Variants in RCAN3 observed in about 807,000 individuals in gnomAD.
The protein encoded by RCAN3 is regulator of calcineurin 3.
In RCAN3, 19 loss-of-function variants were observed where a neutral mutation model predicts 21.9. The observed-to-expected ratio is 0.87, with a 90% confidence interval of 0.61 to 1.27. The LOEUF (loss-of-function observed/expected upper bound fraction) is 1.27, where lower values mean the gene tolerates loss of function less well. Ranked by LOEUF, RCAN3 falls within the 50% of genes most tolerant of loss-of-function variation. The probability of loss-of-function intolerance (pLI) is 0.00; values close to 1 mark genes in which losing one functional copy is unlikely to be tolerated. For synonymous variants in RCAN3, 114 were observed against 112.3 expected, an observed-to-expected ratio of 1.01 and a Z score of -0.09; for missense variants, 240 against 300.1, an observed-to-expected ratio of 0.80 and a Z score of 1.48.
At chr1:24,524,828 G>GTTTTTTTT (rs5773091) in intron 2 of RCAN3, among the ~76,000 whole-genome samples, 3 of 127,232 alleles carry the variant, frequency 2.4e-5, no homozygotes, top group Non-Finnish European at 4.9e-5. Flanking sequence ...GTTTTCTTTT[G>GTTTTTTTT]TTTTTTTTTT....
intron 2 of RCAN3, among the ~76,000 whole-genome samples, chr1:24,515,134 G>A (rs917441043): frequency 1.3e-5 from 2 of 152,176 alleles, no homozygotes; most frequent in Non-Finnish European, 2.9e-5. Flanking sequence ...TCTGAGTCAA[G>A]TCTTATTCAA....
At chr1:24,528,047 C>T (rs1338840012) in intron 2 of RCAN3, among the ~76,000 whole-genome samples, 1 of 151,884 alleles carries the variant, frequency 6.6e-6, no homozygotes, top group Non-Finnish European at 1.5e-5. Context: ...ATGCTTTTCA[C>T]CCCAAAATGC....
At chr1:24,522,952 T>C (rs1648936015) in intron 2 of RCAN3, among the ~76,000 whole-genome samples, 1 of 152,160 alleles carries the variant, frequency 6.6e-6, no homozygotes, top group African/African-American at 2.4e-5. Flanking sequence ...TTCCACGAAA[T>C]CTGTAAACTT....
At chr1:24,531,741 AT>A in intron 3 of RCAN3, among the ~76,000 whole-genome samples, 1 of 152,272 alleles carries the variant, frequency 6.6e-6, no homozygotes, top group East Asian at 1.9e-4. Context: ...GAAATAAGAC[AT>A]GAAATCCTTG....
In RCAN3 at chr1:24,514,509, C is replaced by G. The variant is rs767692924; in HGVS notation, c.137C>G (p.Pro46Arg). Residue 46 changes from proline to arginine, a missense_variant, in exon 2 of 5, where the codon CCT becomes CGT. Pro to Arg is a moderately radical substitution (Grantham distance 103). Coordinates refer to ENST00000374395, the MANE Select transcript of RCAN3 (RefSeq NM_013441.4). ...LDEMMDLSDL[P>R]TSLFACSVHE... Reference sequence around the variant, plus strand: ...GAGATGATGGATTTAAGTGATCTGCCTACCTCACTTTTTGCTTGCAGCGTC... The same window carrying G: ...GAGATGATGGATTTAAGTGATCTGCGTACCTCACTTTTTGCTTGCAGCGTC... The G allele has an allele frequency of 3.7e-5, 60 of 1,613,996 alleles. 1 individual carries two copies. Among genetic ancestry groups the G allele is most frequent in the Non-Finnish European group, 1.7e-6 (2 of 1,180,028 alleles).
At position 24,504,922 on chromosome 1, in the gene RCAN3, G is replaced by A. The variant is rs11249128; in HGVS notation, c.-60+1772G>A. ...TGGTTTTTGTTGTTTATTTCTATCT[G>A]TCTCTTGCTGACAAATTCCTGGTGG... On this transcript the variant is annotated intron_variant, in intron 1 of 4. Coordinates refer to ENST00000374395, the MANE Select transcript of RCAN3 (RefSeq NM_013441.4). Among the ~76,000 whole-genome samples the A allele has an allele frequency of 3.3e-3, 498 of 152,216 alleles. 1 individual carries two copies. Among genetic ancestry groups the A allele is most frequent in the African/African-American group, 0.011 (474 of 41,508 alleles).
chr1:24,530,380 GAC>G (rs1649666086), intron 2 of RCAN3, among the ~76,000 whole-genome samples: 1 of 94,510 alleles, frequency 1.1e-5, no homozygotes, highest in African/African-American at 4.9e-5. Flanking sequence ...AAAAAAAAAA[GAC>G]AGTCACACAC....
At chr1:24,506,525 A>G (rs1647453494) in intron 1 of RCAN3, among the ~76,000 whole-genome samples, 1 of 152,084 alleles carries the variant, frequency 6.6e-6, no homozygotes, top group South Asian at 2.1e-4. Context: ...TGGAAGTAAA[A>G]GGGGTATGCT....
At chr1:24,502,602 G>T (rs1467669965), upstream of RCAN3, 1 of 152,746 alleles carries the variant, frequency 6.5e-6, no homozygotes, top group Non-Finnish European at 1.5e-5. Flanking sequence ...GCTCCCGGTG[G>T]AAAACGAGAA....
chr1:24,509,127 C>T (rs941473828), intron 1 of RCAN3, among the ~76,000 whole-genome samples: 1 of 152,142 alleles, frequency 6.6e-6, no homozygotes, highest in East Asian at 1.9e-4. Flanking sequence ...CGCCACTGCA[C>T]TAGAGTCTGG....
chr1:24,510,011 C>T (rs551729566), intron 1 of RCAN3, among the ~76,000 whole-genome samples: 3 of 152,136 alleles, frequency 2.0e-5, no homozygotes, highest in African/African-American at 4.8e-5. Flanking sequence ...GAATTGTCAA[C>T]GAGAACAATG....
intron 1 of RCAN3, among the ~76,000 whole-genome samples, chr1:24,504,741 G>A (rs906622513): frequency 6.6e-6 from 1 of 152,212 alleles, no homozygotes; most frequent in African/African-American, 2.4e-5. Context: ...AAACACAGAA[G>A]GTGGAGGTCG....
At chr1:24,520,629 C>G (rs1343545734) in intron 2 of RCAN3, among the ~76,000 whole-genome samples, 2 of 140,398 alleles carry the variant, frequency 1.4e-5, no homozygotes, top group East Asian at 4.0e-4. Context: ...GGGAATTGAA[C>G]AATGAGAACA....
At chr1:24,513,557 T>G (rs1000514106) in intron 1 of RCAN3, among the ~76,000 whole-genome samples, 1 of 151,898 alleles carries the variant, frequency 6.6e-6, no homozygotes, top group African/African-American at 2.4e-5. Flanking sequence ...TAGTGGAGGC[T>G]GAGGCATGAA....
intron 1 of RCAN3, 38 bp downstream of exon 1, chr1:24,503,188 G>A (rs1191636733): frequency 1.4e-5 from 2 of 144,908 alleles, no homozygotes; most frequent in Non-Finnish European, 3.1e-5. Context: ...GGCGGGGCGG[G>A]TGGGGGGGGT....
chr1:24,512,991 G>A (rs1279060026), intron 1 of RCAN3, among the ~76,000 whole-genome samples: 7 of 152,030 alleles, frequency 4.6e-5, no homozygotes, highest in Admixed American at 6.5e-5. Flanking sequence ...TAATCCCAGC[G>A]CTTTAGGAGG....
Position 24,536,925 on chromosome 1 carries a change from C to G in RCAN3, c.*1648C>G, listed in dbSNP as rs1266785720. On this transcript the variant is annotated 3_prime_UTR_variant, in exon 5 of 5. Transcript: ENST00000374395. ...TCAATGTAAATTCAGTTGAAATTTG[C>G]AATTCTATCAGCAATTTAATGTATT... 1 of 152,002 alleles carries G rather than the reference C, an allele frequency of 6.6e-6. No individual in the cohort carries two copies. 9.4% of individuals were successfully genotyped at this position (152,002 alleles called of 1,614,324 possible). A position where few individuals can be genotyped will look rare whatever the true frequency, so the allele number is the denominator to read the frequency against.
At chr1:24,513,561 G>A (rs1164266716) in intron 1 of RCAN3, among the ~76,000 whole-genome samples, 1 of 151,938 alleles carries the variant, frequency 6.6e-6, no homozygotes, top group Non-Finnish European at 1.5e-5. Context: ...GGAGGCTGAG[G>A]CATGAAAATC....
rs565033977 is a variant in RCAN3 at position 24,533,071 on chromosome 1, C to T, written c.370-12C>T. On this transcript the variant is annotated splice_polypyrimidine_tract_variant and intron_variant, in intron 3 of 4. Coordinates refer to ENST00000374395, the MANE Select transcript of RCAN3 (RefSeq NM_013441.4). ...GTTTGCAAACTGGCTTTGAGCGTCT[C>T]GCTCCCTGCAGGTGCAGATGTCCGG... 13 of 1,417,292 alleles carry T rather than the reference C, an allele frequency of 9.2e-6. No individual in the cohort carries two copies. In the East Asian group the frequency reaches 1.9e-4, roughly 21 times the overall value. 87.8% of individuals were successfully genotyped at this position (1,417,292 alleles called of 1,614,324 possible).
Sources: allele counts gnomAD v4.1 joint callset (sites outside exome capture counted in the v4.1 genomes callset), GRCh38; gene constraint gnomAD v4.1.1; transcripts MANE v1.5; gene names NCBI Gene and HGNC (gene_info 2026-07-23, HGNC 2026-07-21).